Variants in SYT9 observed in about 807,000 individuals in gnomAD.
The protein encoded by SYT9 is synaptotagmin 9.
A neutral mutation model predicts 48.4 loss-of-function variants in SYT9; 22 were observed. The observed-to-expected ratio is 0.45, with a 90% CI of 0.32 to 0.65. SYT9 has a LOEUF of 0.65. SYT9 is among the 30% of genes least tolerant of loss of function. The pLI is 0.03. For synonymous variants in SYT9, 265 were observed against 245.0 expected (o/e 1.08, Z -0.76); for missense variants, 577 against 622.0 (o/e 0.93, Z 0.77).
At chr11:7,249,640 A>G (rs957523940), upstream of SYT9, among the ~76,000 whole-genome samples, 1 of 152,234 alleles carries the variant, frequency 6.6e-6, no homozygotes, top group South Asian at 2.1e-4. Flanking sequence ...CATAACAGAA[A>G]CAGCAAAAAC....
chr11:7,406,257 G>A (rs960183999), intron 3 of SYT9, among the ~76,000 whole-genome samples: 1 of 151,700 alleles, frequency 6.6e-6, no homozygotes, highest in Non-Finnish European at 1.5e-5. Flanking sequence ...TCAAATATTG[G>A]AGCCTATTCT....
At chr11:7,310,532 C>T (rs576353454) in intron 2 of SYT9, among the ~76,000 whole-genome samples, 6 of 142,432 alleles carry the variant, frequency 4.2e-5, no homozygotes, top group South Asian at 2.3e-4. Context: ...CTGCAAGCTC[C>T]GGCTCCCAGG....
At chr11:7,360,299 T>G (rs925748696) in intron 3 of SYT9, among the ~76,000 whole-genome samples, 3 of 152,222 alleles carry the variant, frequency 2.0e-5, no homozygotes, top group African/African-American at 7.2e-5. Context: ...GCCTCCAGCT[T>G]TGTTCTTTTG....
At chr11:7,458,416 G>A (rs1260199925) in intron 6 of SYT9, among the ~76,000 whole-genome samples, 1 of 152,180 alleles carries the variant, frequency 6.6e-6, no homozygotes, top group East Asian at 1.9e-4. Flanking sequence ...GGGAGGCAGA[G>A]GTTGCAGTGA....
chr11:7,406,565 T>TATATAC (rs1234160929), intron 3 of SYT9, among the ~76,000 whole-genome samples: 4 of 113,828 alleles, frequency 3.5e-5, no homozygotes, highest in African/African-American at 1.3e-4. Flanking sequence ...TATATATATA[T>TATATAC]ATAGCACATT....
chr11:7,346,031 T>C (rs541831577), intron 3 of SYT9, among the ~76,000 whole-genome samples: 1 of 152,166 alleles, frequency 6.6e-6, no homozygotes, highest in East Asian at 1.9e-4. Flanking sequence ...TACATTGAAG[T>C]TGATGAAGAA....
chr11:7,459,643 A>C (rs1303007156), intron 6 of SYT9, among the ~76,000 whole-genome samples: 1 of 152,184 alleles, frequency 6.6e-6, no homozygotes, highest in Admixed American at 6.5e-5. Flanking sequence ...GAACCTCAGA[A>C]TGTCACCTTA....
intron 3 of SYT9, among the ~76,000 whole-genome samples, chr11:7,354,343 A>G (rs899762910): frequency 2.6e-5 from 4 of 152,212 alleles, no homozygotes; most frequent in African/African-American, 9.6e-5. Flanking sequence ...CTTATGATAA[A>G]GTATGAAACT....
chr11:7,354,864 T>C (rs1203959545), intron 3 of SYT9, among the ~76,000 whole-genome samples: 1 of 152,096 alleles, frequency 6.6e-6, no homozygotes, highest in Non-Finnish European at 1.5e-5. Context: ...CACACAGTGA[T>C]GGCATTGCCT....
At chr11:7,351,037 A>G (rs1344667871) in intron 3 of SYT9, among the ~76,000 whole-genome samples, 1 of 152,246 alleles carries the variant, frequency 6.6e-6, no homozygotes, top group African/African-American at 2.4e-5. Flanking sequence ...TGTCTTAAAA[A>G]AAGTCAAGAT....
intron 5 of SYT9, 28 bp from the exon 6 acceptor site, chr11:7,420,477 GA>G (rs770134213): frequency 1.9e-6 from 3 of 1,610,626 alleles, no homozygotes; most frequent in Non-Finnish European, 2.5e-6. Context: ...AAAATTTTAA[GA>G]AAAAACTATT....
At chr11:7,280,641 C>T (rs573726175) in intron 1 of SYT9, among the ~76,000 whole-genome samples, 1 of 152,152 alleles carries the variant, frequency 6.6e-6, no homozygotes, top group Non-Finnish European at 1.5e-5. Context: ...GTGCTCCCAG[C>T]CTGGCTGTTT....
At chr11:7,370,806 C>T (rs1038844390) in intron 3 of SYT9, among the ~76,000 whole-genome samples, 5 of 152,020 alleles carry the variant, frequency 3.3e-5, no homozygotes, top group Admixed American at 2.0e-4. Flanking sequence ...TTACAATAAG[C>T]ATGTTGACTA....
chr11:7,312,937 T>C (rs1371518205), intron 2 of SYT9, among the ~76,000 whole-genome samples: 1 of 152,226 alleles, frequency 6.6e-6, no homozygotes, highest in African/African-American at 2.4e-5. Context: ...TATAAAGCTA[T>C]AAGCCAGTGG....
At position 7,349,382 on chromosome 11, in the gene SYT9, A is replaced by AATACACACACACAC. The variant is rs151286819; in HGVS notation, c.1044+35442_1044+35443insTACACACACACACA. ...ATTTTACCACAATAAAAAATATACA[A>AATACACACACACAC]ACACACACACACACACACACACACA... is the stretch of plus-strand genomic sequence containing the variant. On this transcript the variant is annotated intron_variant, in intron 3 of 6. Transcript: ENST00000318881. 9.4e-5 allele frequency among the ~76,000 whole-genome samples: 14 copies of AATACACACACACAC among 148,270 alleles called. No homozygotes were observed. In the East Asian group the frequency reaches 1.4e-3, roughly 15 times the overall value.
At chr11:7,403,779 G>T (rs988980198) in intron 3 of SYT9, among the ~76,000 whole-genome samples, 2 of 151,716 alleles carry the variant, frequency 1.3e-5, no homozygotes, top group Non-Finnish European at 2.9e-5. Flanking sequence ...AAAAAAGAAT[G>T]TATATTCTAT....
chr11:7,391,354 T>C (rs903391454), intron 3 of SYT9, among the ~76,000 whole-genome samples: 1 of 152,190 alleles, frequency 6.6e-6, no homozygotes, highest in Non-Finnish European at 1.5e-5. Flanking sequence ...ATGGTAGTTC[T>C]ATTTTTAGTT....
chr11:7,348,688 CTTTTTTTTTTTTTT>C (rs34752256), intron 3 of SYT9, among the ~76,000 whole-genome samples: 3 of 47,098 alleles, frequency 6.4e-5, no homozygotes, highest in Admixed American at 4.3e-4. Flanking sequence ...ATCAGACCTC[CTTTTTTTTTTTTTT>C]TTTTTTTTTT....
chr11:7,286,801 T>C (rs905606938), intron 1 of SYT9, among the ~76,000 whole-genome samples: 7 of 152,176 alleles, frequency 4.6e-5, no homozygotes, highest in Non-Finnish European at 1.5e-5. Context: ...TACTCCAGTT[T>C]CCAACAAGTT....
Sources: allele counts gnomAD v4.1 joint callset (sites outside exome capture counted in the v4.1 genomes callset), GRCh38; gene constraint gnomAD v4.1.1; transcripts MANE v1.5; gene names NCBI Gene and HGNC (gene_info 2026-07-23, HGNC 2026-07-21).